Variants in PITPNC1 observed in about 807,000 individuals in gnomAD.
PITPNC1 encodes cytoplasmic phosphatidylinositol transfer protein 1.
A neutral mutation model predicts 44.7 loss-of-function variants in PITPNC1; 18 were observed. The ratio of observed to expected loss-of-function variants is 0.40; its 90% CI spans 0.28 to 0.60. The LOEUF (loss-of-function observed/expected upper bound fraction) is 0.60. PITPNC1 is among the 20% of genes least tolerant of loss of function. PITPNC1 has a pLI of 0.39. For synonymous variants in PITPNC1, 141 were observed against 149.6 expected, an observed-to-expected ratio of 0.94 and a Z score of 0.42; for missense variants, 290 against 418.4, an observed-to-expected ratio of 0.69 and a Z score of 2.68.
At chr17:67,583,937 C>T (rs370655458) in intron 5 of PITPNC1, among the ~76,000 whole-genome samples, 7 of 148,026 alleles carry the variant, frequency 4.7e-5, no homozygotes, top group East Asian at 4.0e-4. Context: ...GATGGAGTGT[C>T]ACTGTGTTAG....
At chr17:67,683,233 G>C (rs1006138173) in intron 8 of PITPNC1, among the ~76,000 whole-genome samples, 28 of 149,148 alleles carry the variant, frequency 1.9e-4, no homozygotes, top group Admixed American at 1.7e-3. Flanking sequence ...AAAGAAGTCT[G>C]AACCTAAATT....
intron 6 of PITPNC1, among the ~76,000 whole-genome samples, chr17:67,637,544 CCTTT>C (rs2042047521): frequency 6.6e-6 from 1 of 152,246 alleles, no homozygotes; most frequent in Admixed American, 6.5e-5. Context: ...AAAGCACTTT[CCTTT>C]CTTTTTCCAT....
chr17:67,422,432 G>A (rs531170123), intron 1 of PITPNC1, among the ~76,000 whole-genome samples: 2 of 152,288 alleles, frequency 1.3e-5, no homozygotes, highest in East Asian at 3.9e-4. Flanking sequence ...TTGCTATGTT[G>A]CCTAGGCTGG....
At chr17:67,380,135 C>T (rs969710592) in intron 1 of PITPNC1, among the ~76,000 whole-genome samples, 1 of 149,408 alleles carries the variant, frequency 6.7e-6, no homozygotes, top group Non-Finnish European at 1.5e-5. Context: ...GGCGCAATGG[C>T]GAGATCTCGG....
intron 6 of PITPNC1, among the ~76,000 whole-genome samples, chr17:67,649,520 A>G (rs2042186723): frequency 6.6e-6 from 1 of 151,060 alleles, no homozygotes; most frequent in Non-Finnish European, 1.5e-5. Flanking sequence ...CCAACAATTC[A>G]ATTCAATTAG....
chr17:67,660,919 T>C (rs2042336734), intron 6 of PITPNC1, among the ~76,000 whole-genome samples: 1 of 150,994 alleles, frequency 6.6e-6, no homozygotes, highest in African/African-American at 2.4e-5. Context: ...AGTGCAGTGA[T>C]GCGATCTTGG....
rs1346603781 is a variant in PITPNC1, at chr17:67,446,697, C to T, written c.48+68495C>T. On this transcript the variant is annotated intron_variant, in intron 1 of 8. Transcript: ENST00000581322. ...ACCCCAAGTCCCCAGCAGAATAAGC[C>T]TCTCTGGGTCCATTGAATGGTGGGT... Among the ~76,000 whole-genome samples the T allele has an allele frequency of 3.9e-5, 6 of 151,926 alleles. No homozygotes were observed. The South Asian group carries it at 1.2e-3, about 32-fold the overall frequency.
chr17:67,652,760 C>T (rs962299613), intron 6 of PITPNC1, among the ~76,000 whole-genome samples: 2 of 152,182 alleles, frequency 1.3e-5, no homozygotes, highest in Admixed American at 6.5e-5. Flanking sequence ...TTCGGTGCTC[C>T]GTGACCACAT....
chr17:67,572,330 G>A (rs543788011), intron 4 of PITPNC1, among the ~76,000 whole-genome samples: 75 of 152,138 alleles, frequency 4.9e-4, no homozygotes, highest in African/African-American at 1.7e-3. Context: ...TGGGGTTCCC[G>A]TCTCCCCATT....
At chr17:67,435,219 G>A (rs1417678521) in intron 1 of PITPNC1, among the ~76,000 whole-genome samples, 4 of 151,606 alleles carry the variant, frequency 2.6e-5, no homozygotes, top group African/African-American at 9.7e-5. Context: ...TACTTCATCT[G>A]TAAAACGGAA....
chr17:67,404,005 G>A (rs987081395), intron 1 of PITPNC1, among the ~76,000 whole-genome samples: 22 of 152,186 alleles, frequency 1.4e-4, no homozygotes, highest in African/African-American at 5.3e-4. Context: ...CTGGGCGACT[G>A]AGCCAGGCTC....
chr17:67,511,719 A>C (rs2040187254), intron 1 of PITPNC1, among the ~76,000 whole-genome samples: 1 of 152,026 alleles, frequency 6.6e-6, no homozygotes, highest in African/African-American at 2.4e-5. Flanking sequence ...ATGTTGGCCA[A>C]GCTGGTCTCG....
chr17:67,673,595 A>G (rs1013205792), intron 7 of PITPNC1, among the ~76,000 whole-genome samples: 3 of 152,024 alleles, frequency 2.0e-5, no homozygotes, highest in African/African-American at 7.2e-5. Context: ...CTTCTATTAC[A>G]TGAAAGTCAA....
At chr17:67,527,888 C>A (rs1011015946) in intron 1 of PITPNC1, among the ~76,000 whole-genome samples, 1 of 152,124 alleles carries the variant, frequency 6.6e-6, no homozygotes, top group African/African-American at 2.4e-5. Flanking sequence ...GTAGTCCCAG[C>A]TACTCAAGGG....
Position 67,403,341 on chromosome 17 carries a change from A to C in PITPNC1, c.48+25139A>C, listed in dbSNP as rs145223102. Among the ~76,000 whole-genome samples, 1,120 of 152,054 alleles carry C rather than the reference A, an allele frequency of 7.4e-3. 7 individuals are homozygous for C. Among genetic ancestry groups the C allele is most frequent in the African/African-American group, 0.024 (992 of 41,520 alleles). ...TAAGGCTAAAAATGAACTATTCCCT[A>C]CTTCCTCATTTGTTTTGATTTTTAA... On this transcript the variant is annotated intron_variant, in intron 1 of 8. Coordinates refer to ENST00000581322, the MANE Select transcript of PITPNC1 (RefSeq NM_012417.4).
chr17:67,429,940 G>T (rs1266128521), intron 1 of PITPNC1, among the ~76,000 whole-genome samples: 3 of 152,028 alleles, frequency 2.0e-5, no homozygotes, highest in East Asian at 1.9e-4. Flanking sequence ...TTTCCATTTG[G>T]CAATGAACCT....
intron 1 of PITPNC1, among the ~76,000 whole-genome samples, chr17:67,433,036 G>C (rs745704483): frequency 2.9e-4 from 44 of 152,200 alleles, no homozygotes; most frequent in Admixed American, 5.9e-4. Flanking sequence ...GACAGCGAGT[G>C]GGGGTGGGGA....
chr17:67,544,793 T>C (rs1207229662), intron 2 of PITPNC1, among the ~76,000 whole-genome samples: 1 of 152,214 alleles, frequency 6.6e-6, no homozygotes, highest in Non-Finnish European at 1.5e-5. Flanking sequence ...TGGGTCTCTC[T>C]TTCCCATTTC....
At chr17:67,539,707 G>A (rs1297834485) in intron 2 of PITPNC1, among the ~76,000 whole-genome samples, 2 of 152,018 alleles carry the variant, frequency 1.3e-5, no homozygotes, top group South Asian at 2.1e-4. Flanking sequence ...GCGTGGTGGC[G>A]GGCACCTGGA....
Sources: allele counts gnomAD v4.1 joint callset (sites outside exome capture counted in the v4.1 genomes callset), GRCh38; gene constraint gnomAD v4.1.1; transcripts MANE v1.5; gene names NCBI Gene and HGNC (gene_info 2026-07-23, HGNC 2026-07-21).